The following PHF2 variants were observed in gnomAD, a reference collection of about 807,000 sequenced individuals.
PHF2 encodes PHD finger protein 2, also known as lysine-specific demethylase PHF2.
In PHF2, 27 loss-of-function variants were observed where a neutral mutation model predicts 120.5. The ratio of observed to expected loss-of-function variants is 0.22; its 90% confidence interval spans 0.17 to 0.31. PHF2 has a LOEUF of 0.31. Ranked by LOEUF, PHF2 falls within the 10% of genes least tolerant of loss-of-function variation. PHF2 has a pLI of 1.00. For missense variants in PHF2, 1,024 were observed against 1,434.8 expected, an observed-to-expected ratio of 0.71 and a Z score of 4.63; for synonymous variants, 568 against 592.5, an observed-to-expected ratio of 0.96 and a Z score of 0.60.
chr9:93,591,723 C>T (rs1272218247), intron 1 of PHF2, among the ~76,000 whole-genome samples: 3 of 152,160 alleles, frequency 2.0e-5, no homozygotes, highest in Non-Finnish European at 4.4e-5. Context: ...GCAGGGATCC[C>T]CTCTGCCTCT....
intron 12 of PHF2, among the ~76,000 whole-genome samples, chr9:93,662,429 G>GGATGGATGGATA (rs1826587288): frequency 6.6e-6 from 1 of 151,362 alleles, no homozygotes; most frequent in South Asian, 2.1e-4. Flanking sequence ...ATGAAAAAAT[G>GGATGGATGGATA]GATGGATGGA....
intron 1 of PHF2, among the ~76,000 whole-genome samples, chr9:93,615,433 G>A (rs116914418): frequency 0.018 from 2,799 of 152,264 alleles, 79 homozygotes; most frequent in East Asian, 0.11. Context: ...ATGACAAGCA[G>A]TAAACTATCT....
chr9:93,651,777 G>A (rs1826373913), intron 5 of PHF2, among the ~76,000 whole-genome samples: 1 of 152,234 alleles, frequency 6.6e-6, no homozygotes, highest in South Asian at 2.1e-4. Context: ...GAAAGGTGTG[G>A]CTTGCACCTA....
Position 93,576,678 on chromosome 9 carries a change from C to A in PHF2, c.-96C>A. The A allele has an allele frequency of 1.3e-5, 3 of 223,480 alleles. No individual in the cohort carries two copies. Among genetic ancestry groups the A allele is most frequent in the Non-Finnish European group, 2.2e-5 (3 of 137,584 alleles). 13.8% of individuals were successfully genotyped at this position (223,480 alleles called of 1,614,324 possible). ...GGCCGCGGCGCCGCCTGCGCCCCGC[C>A]GCCCCCGCCGCCCCCGCGCGGCCCG... On this transcript the variant is annotated 5_prime_UTR_variant, in exon 1 of 22. Transcript: ENST00000359246.
At chr9:93,646,505 G>A (rs1473868299) in intron 4 of PHF2, among the ~76,000 whole-genome samples, 2 of 152,242 alleles carry the variant, frequency 1.3e-5, no homozygotes, top group Non-Finnish European at 2.9e-5. Flanking sequence ...CCCTGAACGG[G>A]CAAACCCCCA....
rs540411200 is a variant in PHF2, at chr9:93,619,645, C to T, written c.99-10325C>T. Among the ~76,000 whole-genome samples, 21 of 152,112 alleles carry T rather than the reference C, an allele frequency of 1.4e-4. No homozygotes were observed. The East Asian group carries it at 1.9e-3, about 14-fold the overall frequency. On this transcript the variant is annotated intron_variant, in intron 1 of 21. Coordinates refer to ENST00000359246, the MANE Select transcript of PHF2 (RefSeq NM_005392.4). ...TGCCTGCTGGTGGCTTCCGGTAGCC[C>T]GTGCTCCATACCTGCTGGTGGCACC...
rs1417281220 is a variant in PHF2 at position 93,679,518 on chromosome 9, G to A, written c.*1842G>A. ...CCAATTCATATTACTCTTGTATCGA[G>A]TCCATGAGGTCTAAGGCAACTTAGA... On this transcript the variant is annotated 3_prime_UTR_variant, in exon 22 of 22. Coordinates refer to ENST00000359246, the MANE Select transcript of PHF2 (RefSeq NM_005392.4). The A allele has an allele frequency of 3.6e-6, 1 of 274,410 alleles. No homozygotes were observed. The highest frequency in any genetic ancestry group is 2.3e-5 in the African/African-American group (1 of 42,982). 17.0% of individuals were successfully genotyped at this position (274,410 alleles called of 1,614,324 possible).
intron 3 of PHF2, among the ~76,000 whole-genome samples, chr9:93,639,500 G>C (rs962051789): frequency 6.6e-6 from 1 of 151,946 alleles, no homozygotes; most frequent in African/African-American, 2.4e-5. Context: ...ATATACATAT[G>C]ACCATGTCAT....
At chr9:93,636,290 A>G (rs771008021) in intron 2 of PHF2, 121 bp from the exon 3 acceptor site, 85 of 712,266 alleles carry the variant, frequency 1.2e-4, no homozygotes, top group Non-Finnish European at 1.9e-4. Context: ...AGAGGTGAGC[A>G]TGAGCCCAGC....
At chr9:93,614,884 ATGG>A (rs1185202240) in intron 1 of PHF2, among the ~76,000 whole-genome samples, 4 of 150,538 alleles carry the variant, frequency 2.7e-5, no homozygotes, top group Non-Finnish European at 4.4e-5. Context: ...AGTGATGGTG[ATGG>A]TGATGGTAAT....
intron 1 of PHF2, among the ~76,000 whole-genome samples, chr9:93,597,221 G>T (rs78547192): frequency 5.3e-5 from 8 of 152,222 alleles, no homozygotes; most frequent in Non-Finnish European, 1.0e-4. Context: ...GAGCCATCGC[G>T]CCTGGCCTCT....
Position 93,659,618 on chromosome 9 carries a change from T to C in PHF2, c.1329+18T>C, listed in dbSNP as rs1286698776. ...TCAGTGAGGTGGGGCCGTGTCCAGGTGCTGGGCTGGACCCCTGGGGATTGG... is the reference window on the plus strand; with the variant it reads ...TCAGTGAGGTGGGGCCGTGTCCAGGCGCTGGGCTGGACCCCTGGGGATTGG... On this transcript the variant is annotated intron_variant, in intron 11 of 21. Coordinates refer to ENST00000359246, the MANE Select transcript of PHF2 (RefSeq NM_005392.4). 4 of 1,608,230 alleles carry C rather than the reference T, an allele frequency of 2.5e-6. No homozygotes were observed. Among genetic ancestry groups the C allele is most frequent in the Non-Finnish European group, 2.6e-6 (3 of 1,175,126 alleles).
chr9:93,665,231 AG>A (rs1278153927), intron 14 of PHF2, among the ~76,000 whole-genome samples: 1 of 152,232 alleles, frequency 6.6e-6, no homozygotes, highest in African/African-American at 2.4e-5. Flanking sequence ...TTCCGGTTAA[AG>A]ACCAATTCAG....
chr9:93,587,375 G>A lies in PHF2; in HGVS notation c.98+10504G>A, dbSNP rs1033670059. Among the ~76,000 whole-genome samples, 8 of 150,886 alleles carry A rather than the reference G, an allele frequency of 5.3e-5. No individual in the cohort carries two copies. The South Asian group carries it at 6.3e-4, about 12-fold the overall frequency. On this transcript the variant is annotated intron_variant, in intron 1 of 21. Transcript: ENST00000359246. Reference sequence around the variant, plus strand: ...GATGGAAGAGCCCTGGGTGAGGGACGGAGGAGCCTCAGATGAGGGACGGAG... The same window carrying A: ...GATGGAAGAGCCCTGGGTGAGGGACAGAGGAGCCTCAGATGAGGGACGGAG...
At chr9:93,660,607 G>GC (rs775004620) in intron 12 of PHF2, 47 bp downstream of exon 12, 2 of 1,491,938 alleles carry the variant, frequency 1.3e-6, no homozygotes, top group African/African-American at 2.8e-5. Context: ...CAGAGGTGCT[G>GC]CAGCATCTCT....
chr9:93,622,785 A>T (rs766133644), intron 1 of PHF2, among the ~76,000 whole-genome samples: 30 of 152,124 alleles, frequency 2.0e-4, no homozygotes, highest in Non-Finnish European at 2.5e-4. Flanking sequence ...CCTCACGCCA[A>T]GTCTTGTCCC....
At chr9:93,647,844 G>A (rs533957085) in intron 4 of PHF2, among the ~76,000 whole-genome samples, 14 of 151,738 alleles carry the variant, frequency 9.2e-5, no homozygotes, top group African/African-American at 2.9e-4. Flanking sequence ...AGCCAAGATC[G>A]TGCCACTGCA....
At chr9:93,583,826 CTTTTTTTT>C (rs113746371) in intron 1 of PHF2, among the ~76,000 whole-genome samples, 2 of 124,634 alleles carry the variant, frequency 1.6e-5, no homozygotes, top group East Asian at 2.3e-4. Context: ...TTTTTCTTTT[CTTTTTTTT>C]TTTTTTTTTT....
At chr9:93,594,269 G>T (rs1825290231) in intron 1 of PHF2, among the ~76,000 whole-genome samples, 1 of 151,676 alleles carries the variant, frequency 6.6e-6, no homozygotes, top group African/African-American at 2.4e-5. Flanking sequence ...CTACCCGAGG[G>T]CCCCTGTGGG....
Sources: allele counts gnomAD v4.1 joint callset (sites outside exome capture counted in the v4.1 genomes callset), GRCh38; gene constraint gnomAD v4.1.1; transcripts MANE v1.5; gene names NCBI Gene and HGNC (gene_info 2026-07-23, HGNC 2026-07-21).